The following UBE2A variants were observed in gnomAD, a reference collection of about 807,000 sequenced individuals.
The protein encoded by UBE2A is ubiquitin conjugating enzyme E2 A.
For synonymous variants in UBE2A, 39 were observed against 41.1 expected (o/e 0.95, Z 0.20); for missense variants, 27 against 125.8 (o/e 0.21, Z 3.76).
chrX:119,581,243 CAGTG>C (rs1270194498), intron 3 of UBE2A: 12 of 236,707 alleles, frequency 5.1e-5, no homozygotes, highest in Non-Finnish European at 9.1e-5. Flanking sequence ...TCAAAATGTA[CAGTG>C]GCTAAAATCT....
chrX:119,582,440 ACTTAT>A (rs1413456897), intron 4 of UBE2A, 143 bp from the exon 5 acceptor site: 1 of 413,508 alleles, frequency 2.4e-6, no homozygotes, highest in African/African-American at 2.5e-5. Context: ...GGTGGTTATG[ACTTAT>A]CTTTTTAGGC....
At chrX:119,574,776 A>G (rs1295121233) in intron 1 of UBE2A, 21 bp downstream of exon 1, 1 of 1,184,357 alleles carries the variant, frequency 8.4e-7, no homozygotes, top group Non-Finnish European at 1.1e-6. Context: ...GGGACGGCCG[A>G]GGCCGGGGGT....
intron 1 of UBE2A, 24 bp from the exon 2 acceptor site, chrX:119,574,877 G>T (rs764173680): frequency 1.7e-6 from 2 of 1,211,042 alleles, no homozygotes; most frequent in Non-Finnish European, 2.2e-6. Context: ...CGGCCTAGGG[G>T]GACCCCTGTC....
At chrX:119,581,860 C>T (rs2053452759) in intron 4 of UBE2A, among the ~76,000 whole-genome samples, 1 of 112,373 alleles carries the variant, frequency 8.9e-6, no homozygotes, top group South Asian at 3.6e-4. Context: ...GAAGGATGCT[C>T]TTGAGGTTTC....
intron 4 of UBE2A, 107 bp downstream of exon 4, chrX:119,581,703 T>A: frequency 4.9e-6 from 3 of 613,214 alleles, no homozygotes; most frequent in Non-Finnish European, 8.1e-6. Flanking sequence ...TTTAGGCAGC[T>A]TGCTGCTTCT....
chrX:119,576,813 G>A (rs982282376), intron 3 of UBE2A: 1 of 112,556 alleles, frequency 8.9e-6, no homozygotes, highest in Non-Finnish European at 1.9e-5. Flanking sequence ...GTGATTGTAA[G>A]GGCATACTAC....
At chrX:119,575,291 C>T in intron 2 of UBE2A, 84 bp from the exon 3 acceptor site, 1 of 1,171,154 alleles carries the variant, frequency 8.5e-7, no homozygotes, top group Non-Finnish European at 1.2e-6. Flanking sequence ...CTGGAGATGG[C>T]AGAGCTCGGG....
At chrX:119,582,322 T>G in intron 4 of UBE2A, 1 of 201,649 alleles carries the variant, frequency 5.0e-6, no homozygotes, top group South Asian at 1.1e-4. Context: ...ATGTTTCTGA[T>G]TTCCTGGATA....
chrX:119,575,232 C>A, intron 2 of UBE2A, 143 bp from the exon 3 acceptor site: 1 of 932,591 alleles, frequency 1.1e-6, no homozygotes, highest in Non-Finnish European at 1.5e-6. Context: ...CCCTGTGTCT[C>A]TGAGCCCGGG....
intron 4 of UBE2A, among the ~76,000 whole-genome samples, chrX:119,581,966 C>A (rs73214921): frequency 0.091 from 10,204 of 112,112 alleles, 476 homozygotes; most frequent in Non-Finnish European, 0.14. Context: ...ATCAGAATTA[C>A]TGTGGAACAT....
In UBE2A at chrX:119,574,616, T is replaced by G; in HGVS notation, c.-96T>G. The G allele has an allele frequency of 9.2e-7, 1 of 1,092,552 alleles. No homozygotes were observed. Among genetic ancestry groups the G allele is most frequent in the South Asian group, 2.0e-5 (1 of 51,275 alleles). The allele number at this position is 1,092,552 out of a possible 1,213,427, so 90.0% of individuals were successfully genotyped here. A position where few individuals can be genotyped will look rare whatever the true frequency, so the allele number is the denominator to read the frequency against. ...CGCGGTTCCTCTGGGTGCTTCCGCC[T>G]CCCCTTCTCCTGCTTCTCCAGCCTC... is the stretch of plus-strand genomic sequence containing the variant. On this transcript the variant is annotated 5_prime_UTR_variant, in exon 1 of 6. Transcript: ENST00000371558.
At chrX:119,575,320 G>A in intron 2 of UBE2A, 55 bp from the exon 3 acceptor site, 1 of 1,206,655 alleles carries the variant, frequency 8.3e-7, no homozygotes, top group Non-Finnish European at 1.1e-6. Flanking sequence ...CTCAGATGAA[G>A]CAGGGAGAAG....
At chrX:119,582,921 T>C (rs1048364383) in intron 5 of UBE2A, among the ~76,000 whole-genome samples, 3 of 107,749 alleles carry the variant, frequency 2.8e-5, no homozygotes, top group Non-Finnish European at 5.8e-5. Context: ...GAGACCAGCC[T>C]GGGCAACATA....
chrX:119,583,307 G>A lies in UBE2A; in HGVS notation c.*52G>A, dbSNP rs2053463499. On this transcript the variant is annotated 3_prime_UTR_variant, in exon 6 of 6. Coordinates refer to ENST00000371558, the MANE Select transcript of UBE2A (RefSeq NM_003336.4). ...CCATAAGAAAAATATATATTGATGT[G>A]TTTGTCACCTCCCTACTCCTGTCAT... 8.4e-7 allele frequency: 1 copy of A among 1,195,324 alleles called. No individual in the cohort carries two copies. The highest frequency in any genetic ancestry group is 1.7e-5 in the African/African-American group (1 of 57,443).
rs2053464390 is a variant in UBE2A at position 119,583,378 on chromosome X, T to C, written c.*123T>C. On this transcript the variant is annotated 3_prime_UTR_variant, in exon 6 of 6. Coordinates refer to ENST00000371558, the MANE Select transcript of UBE2A (RefSeq NM_003336.4). ...CAAAATAACTGTTGTGCTGTTTCCATCTTCCTTGCCAAGTTTTCCTACCCC... is the reference window on the plus strand; with the variant it reads ...CAAAATAACTGTTGTGCTGTTTCCACCTTCCTTGCCAAGTTTTCCTACCCC... 9.4e-7 allele frequency: 1 copy of C among 1,059,242 alleles called. No individual in the cohort carries two copies. Among genetic ancestry groups the C allele is most frequent in the South Asian group, 2.0e-5 (1 of 50,802 alleles). The allele number at this position is 1,059,242 out of a possible 1,213,427, so 87.3% of individuals were successfully genotyped here.
Position 119,582,430 on chromosome X carries a change from G to A in UBE2A, c.242-158G>A, listed in dbSNP as rs1490062761. The A allele has an allele frequency of 3.8e-5, 15 of 397,332 alleles. No individual in the cohort carries two copies. The East Asian group carries it at 6.6e-4, about 17-fold the overall frequency. 32.7% of individuals were successfully genotyped at this position (397,332 alleles called of 1,213,427 possible). A position where few individuals can be genotyped will look rare whatever the true frequency, so the allele number is the denominator to read the frequency against. ...TGATCATCCTGATTATTTCACTAGT[G>A]GTGGTTATGACTTATCTTTTTAGGC... On this transcript the variant is annotated intron_variant, in intron 4 of 5. Transcript: ENST00000371558.
intron 3 of UBE2A, 57 bp from the exon 4 acceptor site, chrX:119,581,450 G>C (rs1255612131): frequency 6.6e-6 from 6 of 909,598 alleles, no homozygotes; most frequent in Non-Finnish European, 9.6e-6. Flanking sequence ...TAAAAACAAA[G>C]TACTACTGAA....
In UBE2A at chrX:119,574,659, C is replaced by T; in HGVS notation, c.-53C>T. On this transcript the variant is annotated 5_prime_UTR_variant, in exon 1 of 6. Coordinates refer to ENST00000371558, the MANE Select transcript of UBE2A (RefSeq NM_003336.4). ...CCAGCCTCTTCGGCCTCCTCGCCCG[C>T]CGCGGGAACCCGAGACCCCAGTGTA... is the stretch of plus-strand genomic sequence containing the variant. The T allele has an allele frequency of 1.7e-6, 2 of 1,173,980 alleles. No individual in the cohort carries two copies. Among genetic ancestry groups the T allele is most frequent in the Non-Finnish European group, 2.3e-6 (2 of 875,813 alleles).
At chrX:119,581,379 G>A in intron 3 of UBE2A, 128 bp from the exon 4 acceptor site, 1 of 457,192 alleles carries the variant, frequency 2.2e-6, no homozygotes, top group Non-Finnish European at 3.9e-6. Context: ...TTCTTACCTG[G>A]CCTTTCCTCT....
Sources: gnomAD v4.1 joint callset for allele counts (sites outside exome capture counted in the v4.1 genomes callset) on GRCh38, gnomAD v4.1.1 for gene constraint, MANE v1.5 for transcripts, NCBI Gene and HGNC (gene_info 2026-07-23, HGNC 2026-07-21) for gene names.